The following FGD5 variants were observed in gnomAD, a reference collection of about 807,000 sequenced individuals.
FGD5 encodes FYVE, RhoGEF and PH domain containing 5.
Under a neutral mutation model 133.4 loss-of-function variants are expected in FGD5, and 28 were observed. The ratio of observed to expected loss-of-function variants is 0.21; its 90% confidence interval spans 0.16 to 0.29. The LOEUF is 0.29. Among genes scored for constraint, FGD5 ranks in the 10% least tolerant of loss-of-function variants. The probability of loss-of-function intolerance (pLI) is 1.00; values close to 1 mark genes in which losing one functional copy is unlikely to be tolerated. For synonymous variants in FGD5, 810 were observed against 776.5 expected (o/e 1.04, Z -0.72); for missense variants, 1,858 against 1,895.2 (o/e 0.98, Z 0.36).
intron 1 of FGD5, among the ~76,000 whole-genome samples, chr3:14,826,197 C>T (rs926310940): frequency 2.2e-4 from 33 of 152,176 alleles, no homozygotes; most frequent in African/African-American, 7.5e-4. Flanking sequence ...GTGCCCAGCA[C>T]CCAGATTATA....
chr3:14,858,117 G>A (rs1229411345), intron 1 of FGD5, among the ~76,000 whole-genome samples: 1 of 152,142 alleles, frequency 6.6e-6, no homozygotes, highest in Admixed American at 6.5e-5. Flanking sequence ...ACTTCACTCT[G>A]TACTCTCTCT....
chr3:14,893,712 T>G (rs1358019082), intron 4 of FGD5, among the ~76,000 whole-genome samples: 1 of 151,700 alleles, frequency 6.6e-6, no homozygotes, highest in Admixed American at 6.6e-5. Flanking sequence ...CTGATTTATC[T>G]AATATTCGGT....
intron 3 of FGD5, 49 bp downstream of exon 3, chr3:14,880,679 T>A (rs2037807968): frequency 6.2e-7 from 1 of 1,613,976 alleles, no homozygotes; most frequent in Non-Finnish European, 8.5e-7. Context: ...AAACAAAACG[T>A]CACCCTCCTG....
chr3:14,874,907 G>A (rs1575224092), intron 2 of FGD5, among the ~76,000 whole-genome samples: 1 of 152,192 alleles, frequency 6.6e-6, no homozygotes, highest in Non-Finnish European at 1.5e-5. Flanking sequence ...AAGCCAGGGG[G>A]CCACTGTTGC....
chr3:14,835,700 A>G (rs1418809028), intron 1 of FGD5, among the ~76,000 whole-genome samples: 3 of 152,164 alleles, frequency 2.0e-5, no homozygotes, highest in Non-Finnish European at 2.9e-5. Context: ...TTGAAGAAGA[A>G]CAGGGAGAAT....
intron 1 of FGD5, among the ~76,000 whole-genome samples, chr3:14,835,985 G>T (rs1322695462): frequency 5.9e-5 from 9 of 152,214 alleles, no homozygotes; most frequent in Admixed American, 5.9e-4. Flanking sequence ...TACCAGGGAA[G>T]GGGCAGAGAT....
upstream of FGD5, chr3:14,818,810 TA>T (rs1481505646): frequency 3.4e-5 from 26 of 756,530 alleles, no homozygotes; most frequent in African/African-American, 3.7e-4. Context: ...GTGGAGGGCA[TA>T]AGCCTAAGAC....
Position 14,898,003 on chromosome 3 carries a change from A to G in FGD5, c.2974A>G (p.Thr992Ala), listed in dbSNP as rs1174472628. 1.2e-6 allele frequency: 2 copies of G among 1,613,670 alleles called. No homozygotes were observed. The highest frequency in any genetic ancestry group is 1.3e-5 in the African/African-American group (1 of 74,824). ...GGAGCAGGGGTTTGATCACCACGCC[A>G]CTCACATCCTGCAGTTCGACAGGTA... is the stretch of plus-strand genomic sequence containing the variant. ...AREQGFDHHA[T>A]HILQFDRYLG... The change falls in exon 6 of 20, where the codon ACT becomes GCT. Residue 992 changes from threonine (T) to alanine (A), a missense_variant. By Grantham distance (58) the Thr-to-Ala change is moderately conservative (BLOSUM62 0). Transcript: ENST00000285046.
intron 4 of FGD5, among the ~76,000 whole-genome samples, chr3:14,882,599 A>G (rs572246532): frequency 6.6e-6 from 1 of 151,982 alleles, no homozygotes; most frequent in South Asian, 2.1e-4. Flanking sequence ...TCAGGAGGCT[A>G]AGAGAGGAGA....
intron 2 of FGD5, among the ~76,000 whole-genome samples, chr3:14,872,864 T>G (rs1334814445): frequency 1.3e-5 from 2 of 152,210 alleles, no homozygotes; most frequent in East Asian, 3.8e-4. Context: ...GGGGCTTAGT[T>G]AGTCAGTGTC....
At chr3:14,810,713 C>T (rs1272968313), upstream of FGD5, 1 of 786,454 alleles carries the variant, frequency 1.3e-6, no homozygotes, top group East Asian at 1.3e-4. Context: ...GCGCGGAGTC[C>T]GAGGCGCGCC....
chr3:14,880,893 A>G lies in FGD5; in HGVS notation c.2748+121A>G, dbSNP rs191183062. 391 of 1,301,688 alleles carry G rather than the reference A, an allele frequency of 3.0e-4. 4 individuals carry two copies. The African/African-American group carries it at 5.2e-3, about 17-fold the overall frequency. 80.6% of individuals were successfully genotyped at this position (1,301,688 alleles called of 1,614,324 possible). On this transcript the variant is annotated intron_variant, in intron 4 of 19. Transcript: ENST00000285046. ...CATTAACAGAGGCCTGGCAGCAGGCAGGCACTCACCGACGCTTTTCAGGGA... is the reference window on the plus strand; with the variant it reads ...CATTAACAGAGGCCTGGCAGCAGGCGGGCACTCACCGACGCTTTTCAGGGA...
chr3:14,894,674 A>ATT (rs55815625), intron 4 of FGD5, among the ~76,000 whole-genome samples: 2,428 of 128,306 alleles, frequency 0.019, 38 homozygotes, highest in Non-Finnish European at 0.031. Context: ...GGTCCAGCTA[A>ATT]TTTTTTTTTT....
intron 1 of FGD5, among the ~76,000 whole-genome samples, chr3:14,824,382 G>T (rs2036564132): frequency 6.6e-6 from 1 of 152,208 alleles, no homozygotes; most frequent in South Asian, 2.1e-4. Flanking sequence ...CTCTGCCTAG[G>T]GGTGCTTGGG....
intron 17 of FGD5, 24 bp downstream of exon 17, chr3:14,924,162 G>T (rs1226175305): frequency 6.2e-7 from 1 of 1,613,838 alleles, no homozygotes. Context: ...GGCTACCCAA[G>T]TGGGAAGTAG....
Position 14,922,401 on chromosome 3 carries a change from G to A in FGD5, c.3670-10G>A. On this transcript the variant is annotated splice_polypyrimidine_tract_variant and intron_variant, in intron 14 of 19. Coordinates refer to ENST00000285046, the MANE Select transcript of FGD5 (RefSeq NM_152536.4). This position sits in a 1 kb window ranked among gnomAD's most constrained non-coding sequence, Gnocchi z 4.1. ...CATTCCACATTACTCAGCCAATTCT[G>A]TTGCTGCAGATACGAGAGAGGCTGG... The A allele has an allele frequency of 6.4e-7, 1 of 1,562,364 alleles. No individual in the cohort carries two copies. Among genetic ancestry groups the A allele is most frequent in the Non-Finnish European group, 8.7e-7 (1 of 1,153,132 alleles).
upstream of FGD5, chr3:14,818,932 C>T: frequency 7.0e-7 from 1 of 1,434,808 alleles, no homozygotes; most frequent in Non-Finnish European, 9.1e-7. Flanking sequence ...ACTTTTTCTC[C>T]TTTTCTCTAT....
chr3:14,875,027 C>A (rs2037688242), intron 2 of FGD5, among the ~76,000 whole-genome samples: 1 of 152,192 alleles, frequency 6.6e-6, no homozygotes, highest in African/African-American at 2.4e-5. Flanking sequence ...TCCCTGAGTA[C>A]CTGTCTCTGA....
At chr3:14,884,311 G>A (rs980955207) in intron 4 of FGD5, among the ~76,000 whole-genome samples, 1 of 152,156 alleles carries the variant, frequency 6.6e-6, no homozygotes, top group African/African-American at 2.4e-5. Context: ...TGCTGATTGG[G>A]AGATAACTCT....
Sources: gnomAD v4.1 joint callset for allele counts (sites outside exome capture counted in the v4.1 genomes callset) on GRCh38, gnomAD v4.1.1 for gene constraint, Gnocchi (gnomAD v3.1) non-coding constraint, MANE v1.5 for transcripts, NCBI Gene and HGNC (gene_info 2026-07-23, HGNC 2026-07-21) for gene names.